ZNF624: variants seen among roughly 807,000 people sequenced by gnomAD.
The protein encoded by ZNF624 is zinc finger protein 624.
A neutral mutation model predicts 74.7 loss-of-function variants in ZNF624; 43 were observed. That is an observed-to-expected ratio of 0.58 (90% CI 0.45 to 0.74). The LOEUF (loss-of-function observed/expected upper bound fraction) is 0.74. ZNF624 is among the 30% of genes least tolerant of loss of function. The pLI is 0.00. For synonymous variants in ZNF624, 331 were observed against 341.3 expected (o/e 0.97, Z 0.33); for missense variants, 820 against 1,030.0 (o/e 0.80, Z 2.79).
At chr17:16,617,298 T>A, downstream of ZNF624, 9 of 1,613,792 alleles carry the variant, frequency 5.6e-6, no homozygotes, top group South Asian at 3.3e-5. Context: ...GAGACCTGGA[T>A]CTGCTTCCAG....
intron 3 of ZNF624, among the ~76,000 whole-genome samples, chr17:16,646,090 T>C (rs190337101): frequency 6.6e-6 from 1 of 152,254 alleles, no homozygotes; most frequent in Non-Finnish European, 1.5e-5. Context: ...AACTAAGCTA[T>C]GTTTAGTATG....
At chr17:16,645,176 A>G (rs1471172638) in intron 3 of ZNF624, among the ~76,000 whole-genome samples, 1 of 152,176 alleles carries the variant, frequency 6.6e-6, no homozygotes, top group African/African-American at 2.4e-5. Context: ...GCCATGGCTC[A>G]TGCCTGTAAT....
At position 16,647,318 on chromosome 17, in the gene ZNF624, G is replaced by A; in HGVS notation, c.153+11C>T. 3 of 1,608,996 alleles carry A rather than the reference G, an allele frequency of 1.9e-6. No individual in the cohort carries two copies. Among genetic ancestry groups the A allele is most frequent in the Non-Finnish European group, 2.6e-6 (3 of 1,175,258 alleles). On this transcript the variant is annotated intron_variant, in intron 3 of 5. Transcript: ENST00000311331. ...CTCTGTATTCATTATATGTACAACA[G>A]TAGGTATTACCTTTACCAATTGTGT...
At chr17:16,644,999 T>C (rs936256221) in intron 3 of ZNF624, among the ~76,000 whole-genome samples, 5 of 152,226 alleles carry the variant, frequency 3.3e-5, no homozygotes, top group Non-Finnish European at 7.3e-5. Flanking sequence ...CATTTAACTT[T>C]GTATTTTCCA....
At chr17:16,617,264 T>G, downstream of ZNF624, 2 of 1,613,468 alleles carry the variant, frequency 1.2e-6, no homozygotes, top group South Asian at 2.2e-5. Context: ...CTGCGACTCC[T>G]ACTTCGTGAC....
chr17:16,617,529 A>G, downstream of ZNF624: 1 of 1,583,160 alleles, frequency 6.3e-7, no homozygotes, highest in Non-Finnish European at 8.7e-7. Context: ...TGCACAGACT[A>G]GAAAGATTTT....
At chr17:16,646,681 GC>G (rs1245032379) in intron 3 of ZNF624, among the ~76,000 whole-genome samples, 2 of 152,136 alleles carry the variant, frequency 1.3e-5, no homozygotes, top group African/African-American at 4.8e-5. Flanking sequence ...TTTTATCCTA[GC>G]AAAAATAATT....
rs1909439984 is a variant in ZNF624 at position 16,640,425 on chromosome 17, A to G, written c.154-5669T>C. 2.0e-5 allele frequency among the ~76,000 whole-genome samples: 3 copies of G among 152,086 alleles called. No individual in the cohort carries two copies. In the South Asian group the frequency reaches 6.2e-4, roughly 32 times the overall value. Reference sequence around the variant, plus strand: ...AAATAATAAATATTAGAATGGAAATAAAATAGAGAACAGAAAAACAGCAGA... The same window carrying G: ...AAATAATAAATATTAGAATGGAAATGAAATAGAGAACAGAAAAACAGCAGA... On this transcript the variant is annotated intron_variant, in intron 3 of 5. Transcript: ENST00000311331.
At chr17:16,625,314 C>T (rs1305231156) in intron 5 of ZNF624, among the ~76,000 whole-genome samples, 2 of 151,908 alleles carry the variant, frequency 1.3e-5, no homozygotes, top group East Asian at 1.9e-4. Flanking sequence ...TCCGAGTAGC[C>T]GGGACTACAG....
At chr17:16,633,406 T>C (rs955950349) in intron 5 of ZNF624, among the ~76,000 whole-genome samples, 11 of 152,178 alleles carry the variant, frequency 7.2e-5, no homozygotes, top group African/African-American at 2.7e-4. Context: ...TCCTCCAAAG[T>C]TTCTGTAGCC....
rs1597494209 is a variant in ZNF624 at position 16,633,867 on chromosome 17, T to C, written c.371A>G (p.Tyr124Cys). Residue 124 changes from tyrosine (Y) to cysteine (C), a missense_variant, in exon 5 of 6, where the codon TAT becomes TGT. Transcript: ENST00000311331. ...VTVREISRIP[Y>C]PDMEPKPATK... is the part of the protein sequence containing the mutation. ...CTTGGTTCTGTTTAACTCACCAGGATAGGGAATTCTTGAAATTTCTCTCAC... is the reference window on the plus strand; with the variant it reads ...CTTGGTTCTGTTTAACTCACCAGGACAGGGAATTCTTGAAATTTCTCTCAC... The C allele has an allele frequency of 6.2e-7, 1 of 1,612,064 alleles. No homozygotes were observed. The highest frequency in any genetic ancestry group is 8.5e-7 in the Non-Finnish European group (1 of 1,178,228).
chr17:16,647,992 G>A (rs1020960620), intron 2 of ZNF624, among the ~76,000 whole-genome samples: 2 of 151,760 alleles, frequency 1.3e-5, no homozygotes, highest in Non-Finnish European at 2.9e-5. Flanking sequence ...CTGGAGTGCA[G>A]TGGGGCGATC....
intron 3 of ZNF624, among the ~76,000 whole-genome samples, chr17:16,639,903 C>G (rs564901030): frequency 3.3e-5 from 5 of 152,044 alleles, no homozygotes; most frequent in African/African-American, 1.2e-4. Flanking sequence ...ATAAGACACA[C>G]AAAGAAACAC....
chr17:16,631,255 A>G (rs1359947146), intron 5 of ZNF624: 1 of 152,222 alleles, frequency 6.6e-6, no homozygotes, highest in Non-Finnish European at 1.5e-5. Context: ...TATAGTTCTG[A>G]TAGCCCTAAA....
At chr17:16,625,306 C>T (rs892803099) in intron 5 of ZNF624, among the ~76,000 whole-genome samples, 16 of 152,020 alleles carry the variant, frequency 1.1e-4, no homozygotes, top group African/African-American at 3.9e-4. Context: ...CTCAGCCTTC[C>T]GAGTAGCCGG....
chr17:16,617,186 G>A, downstream of ZNF624: 3 of 1,612,560 alleles, frequency 1.9e-6, no homozygotes, highest in Admixed American at 1.7e-5. Context: ...GAACGTGATC[G>A]ACCTTTGCTC....
intron 5 of ZNF624, among the ~76,000 whole-genome samples, chr17:16,630,411 G>A (rs1336426344): frequency 6.6e-6 from 1 of 152,080 alleles, no homozygotes; most frequent in Non-Finnish European, 1.5e-5. Flanking sequence ...ACAAAAATTA[G>A]CTGGGCATGG....
At position 16,647,377 on chromosome 17, in the gene ZNF624, C is replaced by A; in HGVS notation, c.105G>T (p.Gln35His). The A allele has an allele frequency of 6.2e-7, 1 of 1,614,160 alleles. No homozygotes were observed. Among genetic ancestry groups the A allele is most frequent in the African/African-American group, 1.3e-5 (1 of 75,028 alleles). The change falls in exon 3 of 6, where the codon CAG (glutamine) becomes CAT (histidine). Residue 35 changes from glutamine to histidine, a missense_variant. Coordinates refer to ENST00000311331, the MANE Select transcript of ZNF624 (RefSeq NM_020787.4). The stretch of plus-strand genomic sequence containing the variant: ...CCTGAAGGTGAAGATCTTCATCTGG[C>A]TGGGTAACTTCAGGGCTCTGATGGG... ...SVGRLSPEVT[Q>H]PDEDLHLQAE... is the part of the protein sequence containing the mutation.
chr17:16,637,922 G>A (rs1434902871), intron 3 of ZNF624, among the ~76,000 whole-genome samples: 1 of 152,006 alleles, frequency 6.6e-6, no homozygotes, highest in Non-Finnish European at 1.5e-5. Flanking sequence ...CCATCAGAGT[G>A]AACAGGCAAC....
Sources: allele counts gnomAD v4.1 joint callset (sites outside exome capture counted in the v4.1 genomes callset), GRCh38; gene constraint gnomAD v4.1.1; transcripts MANE v1.5; gene names NCBI Gene and HGNC (gene_info 2026-07-23, HGNC 2026-07-21).